Variants in PSORS1C1 observed in about 807,000 individuals in gnomAD.
PSORS1C1 encodes psoriasis susceptibility 1 candidate 1.
A neutral mutation model predicts 9.4 loss-of-function variants in PSORS1C1; 7 were observed. The ratio of observed to expected loss-of-function variants is 0.75; its 90% confidence interval spans 0.42 to 1.40. The LOEUF (loss-of-function observed/expected upper bound fraction) is 1.40, where lower values mean the gene tolerates loss of function less well. Ranked by LOEUF, PSORS1C1 falls within the 40% of genes most tolerant of loss-of-function variation. The pLI, the probability that PSORS1C1 is intolerant of heterozygous loss-of-function variation, is 0.01. For missense variants in PSORS1C1, 146 were observed against 178.1 expected, an observed-to-expected ratio of 0.82 and a Z score of 1.02; for synonymous variants, 63 against 69.4, an observed-to-expected ratio of 0.91 and a Z score of 0.46.
intron 2 of PSORS1C1, among the ~76,000 whole-genome samples, chr6:31,127,226 G>A (rs6931921): frequency 3.3e-5 from 5 of 151,978 alleles, no homozygotes; most frequent in East Asian, 1.9e-4. Flanking sequence ...CCCTTGGAGC[G>A]CCTAGGAATG....
In PSORS1C1 at chr6:31,139,944, AGAC is replaced by A. The variant is rs1363458973; in HGVS notation, c.*13_*15del. 2 of 1,603,090 alleles carry A rather than the reference AGAC, an allele frequency of 1.2e-6. No homozygotes were observed. The highest frequency in any genetic ancestry group is 1.7e-6 in the Non-Finnish European group (2 of 1,173,802). ...GCTCCTTGATCTAAGCCTCCCAGAG[AGAC>A]CCCTAGAACGTTTCCCTCAAGGACC... On this transcript the variant is annotated 3_prime_UTR_variant, in exon 6 of 6. Coordinates refer to ENST00000259881, the MANE Select transcript of PSORS1C1 (RefSeq NM_014068.3). This position sits in a 1 kb window ranked among gnomAD's most constrained non-coding sequence, Gnocchi z 5.2.
Position 31,115,886 on chromosome 6 carries a change from T to G in PSORS1C1, c.-229+995T>G. ...GAGAGAGTCTGCAACCTTGGGGTAG[T>G]GGAGAAAGCAGAACCACTCTTTTGG... On this transcript the variant is annotated intron_variant, in intron 1 of 5. Coordinates refer to ENST00000259881, the MANE Select transcript of PSORS1C1 (RefSeq NM_014068.3). This position sits in a 1 kb window ranked among gnomAD's most constrained non-coding sequence, Gnocchi z 4.2. The G allele has an allele frequency of 1.4e-6, 1 of 718,834 alleles. No individual in the cohort carries two copies. Among genetic ancestry groups the G allele is most frequent in the Non-Finnish European group, 2.4e-6 (1 of 410,058 alleles). The allele number at this position is 718,834 out of a possible 1,614,324, so 44.5% of individuals were successfully genotyped here.
At position 31,138,794 on chromosome 6, in the gene PSORS1C1, C is replaced by T. The variant is rs1773302151; in HGVS notation, c.167+15C>T. The T allele has an allele frequency of 6.2e-7, 1 of 1,614,110 alleles. No individual in the cohort carries two copies. Among genetic ancestry groups the T allele is most frequent in the African/African-American group, 1.3e-5 (1 of 75,030 alleles). On this transcript the variant is annotated intron_variant, in intron 5 of 5. Transcript: ENST00000259881. The stretch of plus-strand genomic sequence containing the variant: ...AACCATTTCTGGTGAGAGCCAAATG[C>T]ACCTTCTGCACCATGTCCCCCACCC...
In PSORS1C1 at chr6:31,133,345, G is replaced by T. The variant is rs188699162; in HGVS notation, c.13+3700G>T. 3.2e-3 allele frequency among the ~76,000 whole-genome samples: 485 copies of T among 152,228 alleles called. 3 individuals are homozygous for T. The highest frequency in any genetic ancestry group is 0.01 in the Middle Eastern group (3 of 294). On this transcript the variant is annotated intron_variant, in intron 3 of 5. Transcript: ENST00000259881. ...GCATCCCTGAGGAGAAATGCAGCTG[G>T]TTTGGGAGAGGACGGCCATTCCAGA...
intron 1 of PSORS1C1, chr6:31,117,560 CA>C: frequency 1.3e-6 from 2 of 1,542,992 alleles, no homozygotes; most frequent in Non-Finnish European, 1.8e-6. Flanking sequence ...TAGTAAGGGC[CA>C]AGGAGGCTTG....
rs765448370 is a variant in PSORS1C1 at position 31,138,171 on chromosome 6, G to A, written c.14-259G>A. On this transcript the variant is annotated intron_variant, in intron 3 of 5. Transcript: ENST00000259881. ...GGGACGACTGGGGCGGGTAGGCGGA[G>A]GATCTTCAAAGAGAGGGGGTGCCCC... 30 of 1,591,916 alleles carry A rather than the reference G, an allele frequency of 1.9e-5. No homozygotes were observed. The South Asian group carries it at 3.3e-4, about 18-fold the overall frequency.
rs1479094519 is a variant in PSORS1C1 at position 31,115,981 on chromosome 6, G to A, written c.-229+1090G>A. The stretch of plus-strand genomic sequence containing the variant: ...CTCCCATATGGGATATAGTGTATGT[G>A]CTTGTTTGTGCCCAAGGCATGCACA... On this transcript the variant is annotated intron_variant, in intron 1 of 5. Coordinates refer to ENST00000259881, the MANE Select transcript of PSORS1C1 (RefSeq NM_014068.3). The surrounding 1 kb of genome is among the most constrained non-coding windows in gnomAD (Gnocchi z 4.2). 3 of 1,540,528 alleles carry A rather than the reference G, an allele frequency of 1.9e-6. No individual in the cohort carries two copies. The African/African-American group carries it at 4.1e-5, about 21-fold the overall frequency.
At position 31,115,735 on chromosome 6, in the gene PSORS1C1, A is replaced by C; in HGVS notation, c.-229+844A>C. Reference sequence around the variant, plus strand: ...GGACCATTTCCACACAGTAGAGGGAATTGTAAGGGGTGGTGATCTGGCTGA... The same window carrying C: ...GGACCATTTCCACACAGTAGAGGGACTTGTAAGGGGTGGTGATCTGGCTGA... On this transcript the variant is annotated intron_variant, in intron 1 of 5. Coordinates refer to ENST00000259881, the MANE Select transcript of PSORS1C1 (RefSeq NM_014068.3). This position sits in a 1 kb window ranked among gnomAD's most constrained non-coding sequence, Gnocchi z 4.2. 50 of 480,150 alleles carry C rather than the reference A, an allele frequency of 1.0e-4. No homozygotes were observed. Among genetic ancestry groups the C allele is most frequent in the East Asian group, 2.3e-4 (7 of 30,686 alleles). The allele number at this position is 480,150 out of a possible 1,614,324, so 29.7% of individuals were successfully genotyped here. A position where few individuals can be genotyped will look rare whatever the true frequency, so the allele number is the denominator to read the frequency against.
intron 2 of PSORS1C1, among the ~76,000 whole-genome samples, chr6:31,127,561 A>AATTATTATTATTATT (rs9257056): frequency 0.13 from 18,700 of 141,364 alleles, 1,411 homozygotes; most frequent in East Asian, 0.18. Context: ...AGGAGACAGG[A>AATTATTATTATTATT]ATTATTATTA....
intron 3 of PSORS1C1, among the ~76,000 whole-genome samples, chr6:31,131,964 A>G (rs1289806501): frequency 6.6e-6 from 1 of 152,204 alleles, no homozygotes; most frequent in Non-Finnish European, 1.5e-5. Context: ...ACTAATGAGA[A>G]GTTGGGCAGG....
Position 31,116,347 on chromosome 6 carries a change from C to G in PSORS1C1, c.-229+1456C>G, listed in dbSNP as rs985884890. The G allele has an allele frequency of 1.1e-5, 17 of 1,612,570 alleles. No homozygotes were observed. The Admixed American group carries it at 2.7e-4, about 25-fold the overall frequency. On this transcript the variant is annotated intron_variant, in intron 1 of 5. Transcript: ENST00000259881. ...GAAGGAGCCGGTGCCTGGTGGGGAG[C>G]AGGGGCTCTGGGAAGCACTGCCGCA...
rs9263641 is a variant in PSORS1C1, at chr6:31,115,245, C to G, written c.-229+354C>G. ...CCAGACTCTCAGAGGAGACCCAGGA[C>G]TCCAAGAAGGCAAAAAGTCTGCACC... On this transcript the variant is annotated intron_variant, in intron 1 of 5. Transcript: ENST00000259881. This position sits in a 1 kb window ranked among gnomAD's most constrained non-coding sequence, Gnocchi z 4.2. The G allele has an allele frequency of 3.3e-5, 8 of 241,042 alleles. No homozygotes were observed. Among genetic ancestry groups the G allele is most frequent in the Non-Finnish European group, 2.5e-5 (3 of 122,380 alleles). 14.9% of individuals were successfully genotyped at this position (241,042 alleles called of 1,614,324 possible).
intron 3 of PSORS1C1, chr6:31,138,092 A>G (rs1773243709): frequency 1.9e-6 from 3 of 1,584,988 alleles, no homozygotes; most frequent in Admixed American, 1.8e-5. Flanking sequence ...GTTGAGGAGG[A>G]TCCGTTCTAG....
At chr6:31,122,899 G>A (rs1327660024) in intron 1 of PSORS1C1, among the ~76,000 whole-genome samples, 1 of 152,144 alleles carries the variant, frequency 6.6e-6, no homozygotes, top group African/African-American at 2.4e-5. Flanking sequence ...GGGGTAATGA[G>A]GGGAGTGGCA....
chr6:31,139,130 A>G lies in PSORS1C1; in HGVS notation c.167+351A>G, dbSNP rs1328000840. On this transcript the variant is annotated intron_variant, in intron 5 of 5. Transcript: ENST00000259881. The surrounding 1 kb of genome is among the most constrained non-coding windows in gnomAD (Gnocchi z 5.2). ...GTGGAGGAGGGACCAGCCCAGTGGC[A>G]CAGGAATACCATCAGAACAGAACTG... The G allele has an allele frequency of 4.6e-6, 4 of 870,592 alleles. No homozygotes were observed. The highest frequency in any genetic ancestry group is 7.6e-6 in the Non-Finnish European group (4 of 528,144). The allele number at this position is 870,592 out of a possible 1,614,324, so 53.9% of individuals were successfully genotyped here.
chr6:31,138,028 AG>A (rs765219984), intron 3 of PSORS1C1: 4 of 1,528,174 alleles, frequency 2.6e-6, no homozygotes, highest in Admixed American at 2.2e-5. Context: ...GCAGGAGGCC[AG>A]GGGTTTTCTG....
intron 3 of PSORS1C1, among the ~76,000 whole-genome samples, chr6:31,132,891 G>C (rs916007663): frequency 6.6e-6 from 1 of 151,812 alleles, no homozygotes; most frequent in Non-Finnish European, 1.5e-5. Flanking sequence ...AGTGGAAAGG[G>C]AGTGGGAAAG....
intron 1 of PSORS1C1, chr6:31,116,689 G>A: frequency 6.2e-7 from 1 of 1,612,734 alleles, no homozygotes; most frequent in Non-Finnish European, 8.5e-7. Flanking sequence ...GGTCATGCCT[G>A]GAACCAGATA....
chr6:31,115,642 C>T lies in PSORS1C1; in HGVS notation c.-229+751C>T, dbSNP rs761514133. 8 of 265,600 alleles carry T rather than the reference C, an allele frequency of 3.0e-5. No individual in the cohort carries two copies. Among genetic ancestry groups the T allele is most frequent in the Non-Finnish European group, 5.0e-5 (7 of 139,636 alleles). 16.5% of individuals were successfully genotyped at this position (265,600 alleles called of 1,614,324 possible). ...AAGAGGAAGGTATAACTTCTTCAGGCGTCAGAGGTGCTCTGAGAGCATTTC... is the reference window on the plus strand; with the variant it reads ...AAGAGGAAGGTATAACTTCTTCAGGTGTCAGAGGTGCTCTGAGAGCATTTC... On this transcript the variant is annotated intron_variant, in intron 1 of 5. Transcript: ENST00000259881. This position sits in a 1 kb window ranked among gnomAD's most constrained non-coding sequence, Gnocchi z 4.2.
Sources: allele counts gnomAD v4.1 joint callset (sites outside exome capture counted in the v4.1 genomes callset), GRCh38; gene constraint gnomAD v4.1.1; non-coding constraint Gnocchi (gnomAD v3.1); transcripts MANE v1.5; gene names NCBI Gene and HGNC (gene_info 2026-07-23, HGNC 2026-07-21).